CSMD1: variants seen among roughly 807,000 people sequenced by gnomAD.
CSMD1 encodes the protein CUB and Sushi multiple domains 1.
Under a neutral mutation model 417.5 loss-of-function variants are expected in CSMD1, and 213 were observed. The observed-to-expected ratio is 0.51, with a 90% CI of 0.46 to 0.57. CSMD1 has a LOEUF of 0.57. CSMD1 is among the 20% of genes least tolerant of loss of function. The pLI, the probability that CSMD1 is intolerant of heterozygous loss-of-function variation, is 0.00. For missense variants in CSMD1, 6,923 were observed against 4,529.7 expected (o/e 1.53, Z -15.17); for synonymous variants, 2,862 against 1,736.8 (o/e 1.65, Z -16.11).
chr8:4,601,674 C>G (rs1219485894), intron 2 of CSMD1, among the ~76,000 whole-genome samples: 1 of 152,118 alleles, frequency 6.6e-6, no homozygotes, highest in African/African-American at 2.4e-5. Flanking sequence ...TCTCCATACC[C>G]CTCATCATGC....
At chr8:4,726,170 C>T (rs1809426287) in intron 1 of CSMD1, among the ~76,000 whole-genome samples, 1 of 152,114 alleles carries the variant, frequency 6.6e-6, no homozygotes, top group Non-Finnish European at 1.5e-5. Context: ...ACAAAACCTA[C>T]AGTTGGTTGT....
intron 23 of CSMD1, among the ~76,000 whole-genome samples, chr8:3,323,979 AT>A (rs1806328540): frequency 7.5e-6 from 1 of 133,206 alleles, no homozygotes; most frequent in African/African-American, 2.9e-5. Flanking sequence ...ACCTTTCATC[AT>A]TGTTAAAATA....
At chr8:3,699,554 A>G (rs901727689) in intron 7 of CSMD1, among the ~76,000 whole-genome samples, 12 of 152,146 alleles carry the variant, frequency 7.9e-5, no homozygotes, top group African/African-American at 1.7e-4. Context: ...ATGGATTTCT[A>G]TATTTTATGG....
intron 1 of CSMD1, among the ~76,000 whole-genome samples, chr8:4,822,031 T>G (rs1415909349): frequency 2.6e-5 from 4 of 152,140 alleles, no homozygotes; most frequent in African/African-American, 9.7e-5. Context: ...ACTATGGGAA[T>G]TATTACATTC....
At chr8:3,806,791 T>C (rs1397107125) in intron 5 of CSMD1, among the ~76,000 whole-genome samples, 1 of 152,230 alleles carries the variant, frequency 6.6e-6, no homozygotes, top group Non-Finnish European at 1.5e-5. Flanking sequence ...AGCTACTAAA[T>C]ACTAGGTGCA....
chr8:4,427,324 G>C (rs569789899), intron 2 of CSMD1, among the ~76,000 whole-genome samples: 2 of 152,154 alleles, frequency 1.3e-5, no homozygotes, highest in African/African-American at 2.4e-5. Flanking sequence ...ACTGGATGCA[G>C]TGAGTTACAT....
chr8:4,678,400 G>A (rs1304296057), intron 1 of CSMD1, among the ~76,000 whole-genome samples: 1 of 151,770 alleles, frequency 6.6e-6, no homozygotes, highest in Non-Finnish European at 1.5e-5. Flanking sequence ...AACAGAGCAA[G>A]ACTCTGTCTC....
intron 3 of CSMD1, among the ~76,000 whole-genome samples, chr8:4,097,341 T>G (rs1559570): frequency 6.6e-6 from 1 of 152,028 alleles, no homozygotes; most frequent in Non-Finnish European, 1.5e-5. Flanking sequence ...AGTTGACACC[T>G]TTATAAAATG....
chr8:4,770,086 A>C lies in CSMD1; in HGVS notation c.86-132528T>G, dbSNP rs574765013. Among the ~76,000 whole-genome samples, 5 of 151,984 alleles carry C rather than the reference A, an allele frequency of 3.3e-5. No homozygotes were observed. In the South Asian group the frequency reaches 1.0e-3, roughly 32 times the overall value. On this transcript the variant is annotated intron_variant, in intron 1 of 69. Transcript: ENST00000635120. ...AGAGGACACAAATGCATGAAAAGATACTTCATGCTCATAGATCAAAATACT... is the reference window on the plus strand; with the variant it reads ...AGAGGACACAAATGCATGAAAAGATCCTTCATGCTCATAGATCAAAATACT...
intron 1 of CSMD1, among the ~76,000 whole-genome samples, chr8:4,722,306 T>A (rs1278499165): frequency 6.6e-6 from 1 of 151,880 alleles, no homozygotes; most frequent in Non-Finnish European, 1.5e-5. Context: ...GAGAAAAAAA[T>A]TGTTTTGGTG....
intron 3 of CSMD1, among the ~76,000 whole-genome samples, chr8:4,042,137 A>T (rs1797923242): frequency 6.6e-6 from 1 of 152,160 alleles, no homozygotes; most frequent in Non-Finnish European, 1.5e-5. Context: ...TTACCTAAAA[A>T]CTTCAAAATT....
chr8:3,890,233 T>C (rs1243050450), intron 5 of CSMD1, among the ~76,000 whole-genome samples: 1 of 152,160 alleles, frequency 6.6e-6, no homozygotes, highest in African/African-American at 2.4e-5. Flanking sequence ...AGATAAGAAA[T>C]ATTCTTGTTG....
chr8:4,882,484 G>T (rs1481802941), intron 1 of CSMD1, among the ~76,000 whole-genome samples: 1 of 151,742 alleles, frequency 6.6e-6, no homozygotes, highest in Admixed American at 6.6e-5. Context: ...TGTTGCTTTA[G>T]CTTCTTCCTG....
intron 3 of CSMD1, among the ~76,000 whole-genome samples, chr8:4,251,731 G>A (rs1028791979): frequency 3.3e-5 from 5 of 152,040 alleles, no homozygotes; most frequent in South Asian, 2.1e-4. Context: ...CTGATGAGAC[G>A]TCACAGTTGT....
chr8:4,428,293 A>T (rs916157074), intron 2 of CSMD1, among the ~76,000 whole-genome samples: 8 of 152,228 alleles, frequency 5.3e-5, no homozygotes, highest in Admixed American at 3.9e-4. Context: ...TTGTACCAAG[A>T]CAACTACTTC....
In CSMD1 at chr8:3,977,409, T is replaced by A. The variant is rs957090670; in HGVS notation, c.818+20494A>T. 9.9e-5 allele frequency among the ~76,000 whole-genome samples: 15 copies of A among 152,230 alleles called. No individual in the cohort carries two copies. In the East Asian group the frequency reaches 2.9e-3, roughly 29 times the overall value. On this transcript the variant is annotated intron_variant, in intron 5 of 69. Transcript: ENST00000635120. Reference sequence around the variant, plus strand: ...AAGAGAAATTTCTAAAGGTTTTGTTTTTGTTGTTGTTCCTGTTTTTTCCAT... The same window carrying A: ...AAGAGAAATTTCTAAAGGTTTTGTTATTGTTGTTGTTCCTGTTTTTTCCAT...
intron 23 of CSMD1, among the ~76,000 whole-genome samples, chr8:3,310,571 A>AACAT (rs1584976391): frequency 6.6e-6 from 1 of 152,226 alleles, no homozygotes; most frequent in Non-Finnish European, 1.5e-5. Flanking sequence ...ATGTCATTGG[A>AACAT]ACATACAATT....
chr8:4,454,103 T>A (rs1365209928), intron 2 of CSMD1, among the ~76,000 whole-genome samples: 1 of 152,132 alleles, frequency 6.6e-6, no homozygotes. Flanking sequence ...ATTACAGGCG[T>A]GAGCCACTGT....
At chr8:4,164,435 C>T (rs974773807) in intron 3 of CSMD1, among the ~76,000 whole-genome samples, 3 of 152,050 alleles carry the variant, frequency 2.0e-5, no homozygotes, top group Non-Finnish European at 2.9e-5. Context: ...TGCAGGTGAC[C>T]TCTGAAACAG....
Sources: gnomAD v4.1 joint callset for allele counts (sites outside exome capture counted in the v4.1 genomes callset) on GRCh38, gnomAD v4.1.1 for gene constraint, MANE v1.5 for transcripts, NCBI Gene and HGNC (gene_info 2026-07-23, HGNC 2026-07-21) for gene names.